Variants in ANP32A observed in about 807,000 individuals in gnomAD.
ANP32A encodes the protein acidic nuclear phosphoprotein 32 family member A.
A neutral mutation model predicts 33.9 loss-of-function variants in ANP32A; 1 was observed. That is an observed-to-expected ratio of 0.03 (90% CI 0.01 to 0.14). The LOEUF is 0.14. ANP32A is among the 10% of genes least tolerant of loss of function. ANP32A has a pLI of 1.00. For missense variants in ANP32A, 155 were observed against 306.0 expected (o/e 0.51, Z 3.68); for synonymous variants, 115 against 120.5 (o/e 0.95, Z 0.30).
chr15:68,809,607 G>C (rs751597675), intron 1 of ANP32A, among the ~76,000 whole-genome samples: 1 of 152,214 alleles, frequency 6.6e-6, no homozygotes. Flanking sequence ...ATGTGATAAT[G>C]AGAAAAACAT....
intron 1 of ANP32A, among the ~76,000 whole-genome samples, chr15:68,788,491 C>G (rs755136077): frequency 6.6e-6 from 1 of 152,190 alleles, no homozygotes; most frequent in Non-Finnish European, 1.5e-5. Context: ...CCAGCTCTCC[C>G]ACCTCTAGCC....
At chr15:68,805,858 T>C (rs1894213222) in intron 1 of ANP32A, among the ~76,000 whole-genome samples, 1 of 152,158 alleles carries the variant, frequency 6.6e-6, no homozygotes, top group African/African-American at 2.4e-5. Flanking sequence ...GCTTGAAGGC[T>C]TACTACTGAC....
At chr15:68,782,658 GC>G (rs1339423181) in intron 5 of ANP32A, 2 of 389,746 alleles carry the variant, frequency 5.1e-6, no homozygotes, top group East Asian at 9.5e-5. Flanking sequence ...AGAAAATGGG[GC>G]CATGCATTCT....
chr15:68,786,322 C>G (rs79018349), intron 3 of ANP32A, among the ~76,000 whole-genome samples: 107 of 144,542 alleles, frequency 7.4e-4, no homozygotes, highest in Non-Finnish European at 1.3e-3. Flanking sequence ...TGCAGTGACG[C>G]GATCTCAGCT....
At chr15:68,812,920 G>C (rs1209280384) in intron 1 of ANP32A, 1 of 152,206 alleles carries the variant, frequency 6.6e-6, no homozygotes, top group African/African-American at 2.4e-5. Flanking sequence ...GAGGCTCAAA[G>C]AAGCCAAACA....
At chr15:68,801,604 A>G (rs6494774) in intron 1 of ANP32A, among the ~76,000 whole-genome samples, 64,048 of 151,938 alleles carry the variant, frequency 0.42, 13,836 homozygotes, top group Middle Eastern at 0.56. Context: ...TTTGCACCCC[A>G]GAAAGCAGAG....
intron 4 of ANP32A, 28 bp from the exon 5 acceptor site, chr15:68,783,081 CAG>C (rs1893890033): frequency 1.9e-6 from 3 of 1,551,358 alleles, no homozygotes; most frequent in Admixed American, 2.0e-5. Flanking sequence ...GGAACGGAAA[CAG>C]AACTAGTGGT....
rs1893839534 is a variant in ANP32A at position 68,779,686 on chromosome 15, A to G, written c.*395T>C. 1 of 177,318 alleles carries G rather than the reference A, an allele frequency of 5.6e-6. No individual in the cohort carries two copies. Among genetic ancestry groups the G allele is most frequent in the Admixed American group, 5.8e-5 (1 of 17,246 alleles). 11.0% of individuals were successfully genotyped at this position (177,318 alleles called of 1,614,324 possible). A position where few individuals can be genotyped will look rare whatever the true frequency, so the allele number is the denominator to read the frequency against. The stretch of plus-strand genomic sequence containing the variant: ...AGCCCCTCCTGGGCATTGAGTAACC[A>G]AACTGAGACCAGCCACAGCCTTCCA... On this transcript the variant is annotated 3_prime_UTR_variant, in exon 7 of 7. Coordinates refer to ENST00000465139, the MANE Select transcript of ANP32A (RefSeq NM_006305.4).
chr15:68,802,420 A>G (rs935886415), intron 1 of ANP32A, among the ~76,000 whole-genome samples: 3 of 152,208 alleles, frequency 2.0e-5, no homozygotes, highest in Non-Finnish European at 2.9e-5. Flanking sequence ...AGAGTACATA[A>G]AAACCCTCTT....
At chr15:68,811,897 C>T (rs566500013) in intron 1 of ANP32A, among the ~76,000 whole-genome samples, 5 of 70,914 alleles carry the variant, frequency 7.1e-5, no homozygotes, top group Non-Finnish European at 1.2e-4. Context: ...CCACGACACC[C>T]GGCTGATTTT....
intron 1 of ANP32A, among the ~76,000 whole-genome samples, chr15:68,820,265 C>T (rs2140378684): frequency 6.6e-6 from 1 of 152,254 alleles, no homozygotes; most frequent in South Asian, 2.1e-4. Flanking sequence ...AATGTAAAAC[C>T]CCCTTTTTTT....
At chr15:68,781,906 C>T (rs771616778) in intron 5 of ANP32A, among the ~76,000 whole-genome samples, 2 of 152,110 alleles carry the variant, frequency 1.3e-5, no homozygotes, top group Non-Finnish European at 2.9e-5. Context: ...GCCTGGCCTC[C>T]GCGATTCTAT....
intron 3 of ANP32A, among the ~76,000 whole-genome samples, chr15:68,785,809 A>C (rs944818400): frequency 1.3e-5 from 2 of 152,206 alleles, no homozygotes; most frequent in African/African-American, 4.8e-5. Context: ...ATGTTTTACA[A>C]GGATTTTATA....
At chr15:68,818,497 C>T (rs370082129) in intron 1 of ANP32A, among the ~76,000 whole-genome samples, 2 of 152,094 alleles carry the variant, frequency 1.3e-5, no homozygotes, top group East Asian at 1.9e-4. Context: ...GCCCCCTCCT[C>T]CGCCACCCGC....
At chr15:68,785,826 A>G (rs961855723) in intron 3 of ANP32A, among the ~76,000 whole-genome samples, 5 of 152,152 alleles carry the variant, frequency 3.3e-5, no homozygotes, top group African/African-American at 9.7e-5. Context: ...TATATACTCA[A>G]TCCCCATACC....
At chr15:68,807,648 TC>T (rs1894253733) in intron 1 of ANP32A, among the ~76,000 whole-genome samples, 2 of 151,632 alleles carry the variant, frequency 1.3e-5, no homozygotes, top group South Asian at 4.2e-4. Context: ...ACCTTCAGGG[TC>T]CGTCTACAAC....
chr15:68,805,136 T>C (rs1371962288), intron 1 of ANP32A, among the ~76,000 whole-genome samples: 1 of 152,202 alleles, frequency 6.6e-6, no homozygotes, highest in Non-Finnish European at 1.5e-5. Flanking sequence ...GTAGGGTCTC[T>C]CCAGCCCCCA....
chr15:68,809,251 T>C (rs946490357), intron 1 of ANP32A, among the ~76,000 whole-genome samples: 6 of 151,986 alleles, frequency 3.9e-5, no homozygotes, highest in African/African-American at 1.5e-4. Context: ...AGGGAGACTG[T>C]GAATGTCCCC....
chr15:68,780,275 C>T lies in ANP32A; in HGVS notation c.689-133G>A. ...CTTGGAAACCGAGGCAAGACATCTGCACAGCTGGAAGGGGAATCTGAGGCC... is the reference window on the plus strand; with the variant it reads ...CTTGGAAACCGAGGCAAGACATCTGTACAGCTGGAAGGGGAATCTGAGGCC... On this transcript the variant is annotated intron_variant, in intron 6 of 6. Coordinates refer to ENST00000465139, the MANE Select transcript of ANP32A (RefSeq NM_006305.4). The surrounding 1 kb of genome is among the most constrained non-coding windows in gnomAD (Gnocchi z 4.3). 1 of 1,564,522 alleles carries T rather than the reference C, an allele frequency of 6.4e-7. No individual in the cohort carries two copies. Among genetic ancestry groups the T allele is most frequent in the Non-Finnish European group, 8.7e-7 (1 of 1,154,854 alleles).
Sources: allele counts gnomAD v4.1 joint callset (sites outside exome capture counted in the v4.1 genomes callset), GRCh38; gene constraint gnomAD v4.1.1; non-coding constraint Gnocchi (gnomAD v3.1); transcripts MANE v1.5; gene names NCBI Gene and HGNC (gene_info 2026-07-23, HGNC 2026-07-21).